WDFY2: variants seen among roughly 807,000 people sequenced by gnomAD.
The protein encoded by WDFY2 is WD repeat and FYVE domain containing 2.
Under a neutral mutation model 56.4 loss-of-function variants are expected in WDFY2, and 36 were observed. The ratio of observed to expected loss-of-function variants is 0.64; its 90% CI spans 0.49 to 0.84. The LOEUF (loss-of-function observed/expected upper bound fraction) is 0.84. Among genes scored for constraint, WDFY2 ranks in the 40% least tolerant of loss-of-function variants. WDFY2 has a pLI of 0.00. For synonymous variants in WDFY2, 176 were observed against 183.7 expected (o/e 0.96, Z 0.34); for missense variants, 444 against 512.2 (o/e 0.87, Z 1.29).
At chr13:51,751,534 G>T in intron 8 of WDFY2, 119 bp downstream of exon 8, 1 of 1,000,452 alleles carries the variant, frequency 1.0e-6, no homozygotes, top group Non-Finnish European at 1.5e-6. Context: ...TTAAAGAATT[G>T]TAGCATAAAA....
At chr13:51,708,961 G>A (rs918264131) in intron 4 of WDFY2, among the ~76,000 whole-genome samples, 8 of 152,148 alleles carry the variant, frequency 5.3e-5, no homozygotes, top group Non-Finnish European at 7.3e-5. Context: ...CATAACACTC[G>A]TAAATGTTTA....
intron 1 of WDFY2, chr13:51,586,195 C>T: frequency 2.5e-6 from 1 of 396,782 alleles, no homozygotes; most frequent in South Asian, 1.3e-4. Flanking sequence ...ATTAAAAAGA[C>T]TGCTTCTGGA....
Position 51,658,353 on chromosome 13 carries a change from A to G in WDFY2, c.138-2243A>G, listed in dbSNP as rs555451407. Among the ~76,000 whole-genome samples, 32 of 152,316 alleles carry G rather than the reference A, an allele frequency of 2.1e-4. 1 individual carries two copies. The South Asian group carries it at 5.0e-3, about 24-fold the overall frequency. The stretch of plus-strand genomic sequence containing the variant: ...ACTGCTTGGGAAGCCCTTCAGCCCT[A>G]AGGGTTTGAAACAATAGCCAGCCTT... On this transcript the variant is annotated intron_variant, in intron 1 of 11. Coordinates refer to ENST00000298125, the MANE Select transcript of WDFY2 (RefSeq NM_052950.4).
rs533968422 is a variant in WDFY2 at position 51,692,362 on chromosome 13, C to T, written c.280-11234C>T. 5.9e-5 allele frequency among the ~76,000 whole-genome samples: 9 copies of T among 152,228 alleles called. No individual in the cohort carries two copies. In the East Asian group the frequency reaches 1.2e-3, roughly 20 times the overall value. ...AGATAGCTCTTATTATTTTGAAATA[C>T]GTCCCATCAATACCTAATTTACTGA... is the stretch of plus-strand genomic sequence containing the variant. On this transcript the variant is annotated intron_variant, in intron 3 of 11. Transcript: ENST00000298125.
At chr13:51,665,134 A>G (rs1955677333) in intron 2 of WDFY2, among the ~76,000 whole-genome samples, 1 of 151,956 alleles carries the variant, frequency 6.6e-6, no homozygotes. Flanking sequence ...TTTAAACCCT[A>G]CTCTCTATAG....
intron 1 of WDFY2, among the ~76,000 whole-genome samples, chr13:51,603,297 C>A (rs543801544): frequency 6.6e-6 from 1 of 152,274 alleles, no homozygotes; most frequent in South Asian, 2.1e-4. Flanking sequence ...TCCAGAACAT[C>A]TGTAGTAGAA....
chr13:51,727,865 A>G (rs559004314), intron 6 of WDFY2, 75 bp downstream of exon 6: 2 of 1,422,128 alleles, frequency 1.4e-6, no homozygotes, highest in Non-Finnish European at 2.0e-6. Context: ...TGATGTTCAG[A>G]TATGTTTTGA....
chr13:51,754,923 A>G (rs1387273331), intron 8 of WDFY2, among the ~76,000 whole-genome samples: 1 of 152,134 alleles, frequency 6.6e-6, no homozygotes, highest in African/African-American at 2.4e-5. Context: ...TATTTGAGAA[A>G]TTGTTTCACA....
At chr13:51,604,462 G>C (rs887861811) in intron 1 of WDFY2, among the ~76,000 whole-genome samples, 3 of 152,100 alleles carry the variant, frequency 2.0e-5, no homozygotes, top group African/African-American at 7.2e-5. Context: ...GGAAAGGGCA[G>C]TTTATTATGA....
intron 1 of WDFY2, among the ~76,000 whole-genome samples, chr13:51,596,127 C>T (rs1954139548): frequency 6.6e-6 from 1 of 152,070 alleles, no homozygotes. Flanking sequence ...GTTGGAATGG[C>T]TAATTCATTT....
intron 2 of WDFY2, among the ~76,000 whole-genome samples, chr13:51,673,681 G>A (rs963438099): frequency 1.3e-5 from 2 of 151,966 alleles, no homozygotes; most frequent in Non-Finnish European, 2.9e-5. Context: ...ATGAGACCCG[G>A]CATCTTAATA....
chr13:51,646,253 C>G (rs890192859), intron 1 of WDFY2, among the ~76,000 whole-genome samples: 2 of 152,228 alleles, frequency 1.3e-5, no homozygotes, highest in Non-Finnish European at 2.9e-5. Flanking sequence ...GCTGGATTCT[C>G]ACGACTCCTG....
intron 9 of WDFY2, 101 bp downstream of exon 9, chr13:51,755,560 G>T: frequency 1.8e-6 from 2 of 1,133,340 alleles, no homozygotes; most frequent in South Asian, 2.7e-5. Context: ...TTGTGGTGAG[G>T]GTAAATTATT....
chr13:51,700,778 C>T (rs1408231932), intron 3 of WDFY2, among the ~76,000 whole-genome samples: 1 of 151,808 alleles, frequency 6.6e-6, no homozygotes, highest in Non-Finnish European at 1.5e-5. Flanking sequence ...CCAGCCTGAC[C>T]AACATGGGGA....
chr13:51,760,807 A>C lies in WDFY2; in HGVS notation c.*1038A>C, dbSNP rs1953558459. On this transcript the variant is annotated 3_prime_UTR_variant, in exon 12 of 12. Coordinates refer to ENST00000298125, the MANE Select transcript of WDFY2 (RefSeq NM_052950.4). Reference sequence around the variant, plus strand: ...CAATAGAGTTTCTGCTCCTGTGAGAATCTGACGCCACCGCTGATCTGATGG... The same window carrying C: ...CAATAGAGTTTCTGCTCCTGTGAGACTCTGACGCCACCGCTGATCTGATGG... 1 of 152,350 alleles carries C rather than the reference A, an allele frequency of 6.6e-6. No individual in the cohort carries two copies. Among genetic ancestry groups the C allele is most frequent in the Admixed American group, 6.5e-5 (1 of 15,284 alleles). 9.4% of individuals were successfully genotyped at this position (152,350 alleles called of 1,614,324 possible). A position where few individuals can be genotyped will look rare whatever the true frequency, so the allele number is the denominator to read the frequency against.
intron 3 of WDFY2, among the ~76,000 whole-genome samples, chr13:51,695,987 G>A (rs999349299): frequency 1.3e-5 from 2 of 152,210 alleles, no homozygotes; most frequent in East Asian, 1.9e-4. Flanking sequence ...AGCCAGGTGC[G>A]GGATATAATC....
intron 1 of WDFY2, chr13:51,587,260 A>G (rs1441740257): frequency 1.3e-5 from 2 of 152,240 alleles, no homozygotes; most frequent in Admixed American, 6.5e-5. Flanking sequence ...ACGGTGTTAT[A>G]CAGTATATAC....
intron 3 of WDFY2, among the ~76,000 whole-genome samples, chr13:51,678,867 A>T (rs910074244): frequency 4.6e-5 from 7 of 152,344 alleles, no homozygotes; most frequent in African/African-American, 1.4e-4. Flanking sequence ...CAGTGAGGTC[A>T]GAAGACAGTG....
intron 11 of WDFY2, among the ~76,000 whole-genome samples, chr13:51,759,447 C>T (rs1219038706): frequency 6.6e-6 from 1 of 152,184 alleles, no homozygotes; most frequent in Non-Finnish European, 1.5e-5. Context: ...TTTAGTGACT[C>T]ACAGGAGGAT....
Sources: gnomAD v4.1 joint callset for allele counts (sites outside exome capture counted in the v4.1 genomes callset) on GRCh38, gnomAD v4.1.1 for gene constraint, MANE v1.5 for transcripts, NCBI Gene and HGNC (gene_info 2026-07-23, HGNC 2026-07-21) for gene names.